The following PLD5 variants were observed in gnomAD, a reference collection of about 807,000 sequenced individuals.
PLD5 encodes the protein phospholipase D family member 5.
PLD5 carries 36 observed loss-of-function variants against 61.1 expected under a neutral mutation model. The observed-to-expected ratio is 0.59, with a 90% CI of 0.45 to 0.78. The LOEUF is 0.78. PLD5 is among the 30% of genes least tolerant of loss of function. The probability of loss-of-function intolerance (pLI) is 0.00; values close to 1 mark genes in which losing one functional copy is unlikely to be tolerated. For missense variants in PLD5, 515 were observed against 644.4 expected (o/e 0.80, Z 2.17); for synonymous variants, 243 against 242.8 (o/e 1.00, Z -0.01).
In PLD5 at chr1:242,460,620, AAAC is replaced by A. The variant is rs148516368; in HGVS notation, c.189+63465_189+63467del. On this transcript the variant is annotated intron_variant, in intron 1 of 9. Transcript: ENST00000536534. Reference sequence around the variant, plus strand: ...TCTGCTCCTCCCTATACAGACACACAAACAACACATACATACATACACACACAT... The same window carrying A: ...TCTGCTCCTCCCTATACAGACACACAAACACATACATACATACACACACAT... Among the ~76,000 whole-genome samples the A allele has an allele frequency of 9.7e-3, 1,482 of 152,066 alleles. 31 individuals carry two copies. The highest frequency in any genetic ancestry group is 0.034 in the African/African-American group (1,412 of 41,342).
chr1:242,217,790 AAG>A (rs1410907532), intron 5 of PLD5, among the ~76,000 whole-genome samples: 1 of 152,194 alleles, frequency 6.6e-6, no homozygotes, highest in African/African-American at 2.4e-5. Context: ...CTAGAATTAG[AAG>A]GGGAGCCTAA....
intron 1 of PLD5, among the ~76,000 whole-genome samples, chr1:242,388,901 G>C (rs946501089): frequency 2.0e-5 from 3 of 152,256 alleles, no homozygotes; most frequent in African/African-American, 7.2e-5. Context: ...GTTGCAGTGA[G>C]CTGAGATTGC....
chr1:242,307,256 G>A (rs1480436643), intron 2 of PLD5, among the ~76,000 whole-genome samples: 2 of 152,014 alleles, frequency 1.3e-5, no homozygotes, highest in Non-Finnish European at 2.9e-5. Flanking sequence ...ATCAAGGGAT[G>A]GTCAAAATCA....
At chr1:242,122,915 A>G (rs1662495979) in intron 6 of PLD5, among the ~76,000 whole-genome samples, 1 of 152,246 alleles carries the variant, frequency 6.6e-6, no homozygotes, top group Admixed American at 6.5e-5. Flanking sequence ...AGTTGTTGGC[A>G]TAAAAGCACC....
chr1:242,479,916 T>C (rs1051510792), intron 1 of PLD5, among the ~76,000 whole-genome samples: 3 of 151,852 alleles, frequency 2.0e-5, no homozygotes, highest in African/African-American at 4.8e-5. Context: ...CCAGGCATGT[T>C]GGTGTGCGCC....
chr1:242,432,883 G>A (rs549173026), intron 1 of PLD5, among the ~76,000 whole-genome samples: 115 of 152,274 alleles, frequency 7.6e-4, no homozygotes, highest in Non-Finnish European at 1.4e-3. Flanking sequence ...TTTAAAATGA[G>A]ACCAAGAGAT....
intron 5 of PLD5, among the ~76,000 whole-genome samples, chr1:242,194,618 G>GTATGTATC (rs1668505226): frequency 5.8e-5 from 6 of 102,946 alleles, no homozygotes; most frequent in South Asian, 3.4e-4. Flanking sequence ...ATCTATCTAT[G>GTATGTATC]TATCTATCTA....
chr1:242,434,769 A>G (rs929188406), intron 1 of PLD5, among the ~76,000 whole-genome samples: 1 of 151,980 alleles, frequency 6.6e-6, no homozygotes, highest in Non-Finnish European at 1.5e-5. Context: ...ACCCGCCACC[A>G]CACCCAGCTA....
At chr1:242,518,488 A>G (rs555224020) in intron 1 of PLD5, among the ~76,000 whole-genome samples, 6 of 152,218 alleles carry the variant, frequency 3.9e-5, no homozygotes, top group Non-Finnish European at 7.3e-5. Flanking sequence ...CTATCAGTCA[A>G]TTCAGTAAGA....
chr1:242,461,042 G>A (rs1219415308), intron 1 of PLD5, among the ~76,000 whole-genome samples: 1 of 152,122 alleles, frequency 6.6e-6, no homozygotes, highest in Non-Finnish European at 1.5e-5. Context: ...TCAAGAGGCT[G>A]AGGCAGGAGA....
chr1:242,509,470 AT>A (rs1668834607), intron 1 of PLD5, among the ~76,000 whole-genome samples: 1 of 152,216 alleles, frequency 6.6e-6, no homozygotes, highest in South Asian at 2.1e-4. Flanking sequence ...GTCAATATAA[AT>A]GCTAGTTATC....
intron 1 of PLD5, among the ~76,000 whole-genome samples, chr1:242,403,349 T>C (rs1263100810): frequency 6.6e-6 from 1 of 152,170 alleles, no homozygotes. Flanking sequence ...GAACCTTCCC[T>C]GCAAGCACAC....
At chr1:242,184,143 G>A (rs1364285170) in intron 5 of PLD5, among the ~76,000 whole-genome samples, 2 of 152,164 alleles carry the variant, frequency 1.3e-5, no homozygotes, top group Admixed American at 1.3e-4. Flanking sequence ...TCTACAAAGA[G>A]TTTTGCCTAA....
chr1:242,479,774 T>C (rs1667709094), intron 1 of PLD5, among the ~76,000 whole-genome samples: 1 of 151,864 alleles, frequency 6.6e-6, no homozygotes, highest in Non-Finnish European at 1.5e-5. Context: ...CCAGGCACAG[T>C]GGTTTACGCC....
At chr1:242,358,287 G>T (rs374578750) in intron 1 of PLD5, among the ~76,000 whole-genome samples, 1 of 152,138 alleles carries the variant, frequency 6.6e-6, no homozygotes, top group South Asian at 2.1e-4. Context: ...TCTTTTGGAG[G>T]TGTCATGATT....
chr1:242,204,509 T>C (rs1472672161), intron 5 of PLD5, among the ~76,000 whole-genome samples: 5 of 152,128 alleles, frequency 3.3e-5, no homozygotes, highest in Admixed American at 2.6e-4. Flanking sequence ...TTAGGGAGAT[T>C]TATGAAATCT....
intron 1 of PLD5, among the ~76,000 whole-genome samples, chr1:242,372,894 A>T (rs1661718172): frequency 6.6e-6 from 1 of 152,218 alleles, no homozygotes; most frequent in Non-Finnish European, 1.5e-5. Context: ...CAAGGACTTC[A>T]TGTCTAAAAC....
At chr1:242,282,150 A>G (rs1237721520) in intron 3 of PLD5, among the ~76,000 whole-genome samples, 1 of 152,192 alleles carries the variant, frequency 6.6e-6, no homozygotes, top group Non-Finnish European at 1.5e-5. Context: ...ACCCTTATAT[A>G]GGCACTAAAA....
At chr1:242,252,952 G>T (rs1672789927) in intron 4 of PLD5, among the ~76,000 whole-genome samples, 1 of 151,126 alleles carries the variant, frequency 6.6e-6, no homozygotes, top group African/African-American at 2.4e-5. Context: ...GAGTAGCTGG[G>T]ATTACAGGTG....
Sources: gnomAD v4.1 joint callset for allele counts (sites outside exome capture counted in the v4.1 genomes callset) on GRCh38, gnomAD v4.1.1 for gene constraint, MANE v1.5 for transcripts, NCBI Gene and HGNC (gene_info 2026-07-23, HGNC 2026-07-21) for gene names.